PIK3AP1: variants seen among roughly 807,000 people sequenced by gnomAD.
PIK3AP1 encodes the protein phosphoinositide 3-kinase adapter protein 1.
In PIK3AP1, 21 loss-of-function variants were observed where a neutral mutation model predicts 88.1. The ratio of observed to expected loss-of-function variants is 0.24; its 90% CI spans 0.17 to 0.34. The LOEUF (loss-of-function observed/expected upper bound fraction) is 0.34, where lower values mean the gene tolerates loss of function less well. Ranked by LOEUF, PIK3AP1 falls within the 10% of genes least tolerant of loss-of-function variation. The pLI is 1.00. For synonymous variants in PIK3AP1, 398 were observed against 400.0 expected (o/e 1.00, Z 0.06); for missense variants, 828 against 1,035.7 (o/e 0.80, Z 2.75).
intron 3 of PIK3AP1, among the ~76,000 whole-genome samples, chr10:96,655,831 G>A (rs1843607081): frequency 6.6e-6 from 1 of 152,194 alleles, no homozygotes; most frequent in South Asian, 2.1e-4. Flanking sequence ...CCTTAGCCAT[G>A]TAGAACAGTA....
At chr10:96,687,255 CAAAAAAAAAAAAAAA>C (rs59631566) in intron 2 of PIK3AP1, among the ~76,000 whole-genome samples, 3 of 55,306 alleles carry the variant, frequency 5.4e-5, no homozygotes, top group East Asian at 1.1e-3. Context: ...TACTCCATCT[CAAAAAAAAAAAAAAA>C]AAAAAAAAAA....
intron 3 of PIK3AP1, among the ~76,000 whole-genome samples, chr10:96,654,318 G>C (rs1468507976): frequency 2.0e-5 from 3 of 152,154 alleles, no homozygotes; most frequent in African/African-American, 7.2e-5. Context: ...AAAAAACATG[G>C]GGAAAGGAGA....
chr10:96,695,678 A>G (rs1424717894), intron 2 of PIK3AP1, among the ~76,000 whole-genome samples: 1 of 152,166 alleles, frequency 6.6e-6, no homozygotes. Flanking sequence ...GGAATTCCCA[A>G]AATGACTAAC....
intron 2 of PIK3AP1, among the ~76,000 whole-genome samples, chr10:96,693,290 C>G (rs372529408): frequency 6.6e-6 from 1 of 152,290 alleles, no homozygotes. Context: ...AACTTCCCAC[C>G]CCACCCTGCT....
chr10:96,709,219 G>C (rs543728310), intron 2 of PIK3AP1, among the ~76,000 whole-genome samples: 1 of 151,908 alleles, frequency 6.6e-6, no homozygotes, highest in East Asian at 1.9e-4. Context: ...CAGGAGAGTG[G>C]GCAGTCTTGT....
intron 2 of PIK3AP1, among the ~76,000 whole-genome samples, chr10:96,672,836 G>A (rs1432624898): frequency 6.6e-6 from 1 of 152,172 alleles, no homozygotes; most frequent in Non-Finnish European, 1.5e-5. Context: ...CCTCAACCAA[G>A]AAGCCAAGGG....
intron 11 of PIK3AP1, among the ~76,000 whole-genome samples, chr10:96,622,238 T>C (rs1248655451): frequency 6.6e-6 from 1 of 152,256 alleles, no homozygotes; most frequent in African/African-American, 2.4e-5. Context: ...ACCTCTCTTC[T>C]ACATTACAAA....
intron 2 of PIK3AP1, among the ~76,000 whole-genome samples, chr10:96,695,147 C>T (rs895032305): frequency 1.4e-4 from 22 of 152,142 alleles, no homozygotes; most frequent in Admixed American, 7.9e-4. Context: ...TTTCTGGCAA[C>T]AAACTCAGGC....
chr10:96,709,289 G>C (rs1844407322), intron 2 of PIK3AP1, among the ~76,000 whole-genome samples: 1 of 152,032 alleles, frequency 6.6e-6, no homozygotes, highest in Non-Finnish European at 1.5e-5. Context: ...TTCTAGGCTG[G>C]AACTCTGTCC....
chr10:96,628,918 A>ATT (rs1843198924), intron 8 of PIK3AP1, among the ~76,000 whole-genome samples: 1 of 122,560 alleles, frequency 8.2e-6, no homozygotes, highest in African/African-American at 3.1e-5. Context: ...GTGTATATAT[A>ATT]TATATATATA....
chr10:96,621,195 G>A (rs549786411), intron 11 of PIK3AP1: 1 of 155,430 alleles, frequency 6.4e-6, no homozygotes. Flanking sequence ...GCAAAGGCTG[G>A]TGTGGGGCTT....
intron 2 of PIK3AP1, among the ~76,000 whole-genome samples, chr10:96,706,621 C>T (rs1844368529): frequency 6.6e-6 from 1 of 152,196 alleles, no homozygotes; most frequent in Admixed American, 6.5e-5. Context: ...CTGCCACTTA[C>T]AGAAAAGGAA....
chr10:96,642,466 G>GAAAAAGAA (rs55650790), intron 8 of PIK3AP1, among the ~76,000 whole-genome samples: 26 of 140,348 alleles, frequency 1.9e-4, no homozygotes, highest in East Asian at 4.1e-4. Flanking sequence ...AAGAAAAAAA[G>GAAAAAGAA]AGAAAGAAAG....
At chr10:96,642,187 G>A (rs1843397619) in intron 8 of PIK3AP1, among the ~76,000 whole-genome samples, 1 of 152,148 alleles carries the variant, frequency 6.6e-6, no homozygotes, top group Admixed American at 6.5e-5. Context: ...CACTTTGGGA[G>A]GCCAAAGCAG....
chr10:96,652,995 C>A (rs1242166997), intron 3 of PIK3AP1, among the ~76,000 whole-genome samples, 153 bp from the exon 4 acceptor site: 2 of 152,058 alleles, frequency 1.3e-5, no homozygotes, highest in Non-Finnish European at 2.9e-5. Flanking sequence ...GGGCAGTGAA[C>A]TGTTTGCTAC....
chr10:96,615,033 GAGA>G (rs1849191087), intron 13 of PIK3AP1, among the ~76,000 whole-genome samples: 1 of 152,122 alleles, frequency 6.6e-6, no homozygotes, highest in Non-Finnish European at 1.5e-5. Flanking sequence ...GAGAATGGCA[GAGA>G]AGGCCTCTGA....
intron 8 of PIK3AP1, among the ~76,000 whole-genome samples, chr10:96,637,546 C>T (rs1348951586): frequency 6.6e-6 from 1 of 151,966 alleles, no homozygotes; most frequent in Non-Finnish European, 1.5e-5. Flanking sequence ...AGTGGGTTTT[C>T]GCCATGTTGC....
chr10:96,689,484 G>A (rs1404579059), intron 2 of PIK3AP1, among the ~76,000 whole-genome samples: 2 of 150,856 alleles, frequency 1.3e-5, no homozygotes, highest in African/African-American at 4.9e-5. Context: ...GCAGGAGAAT[G>A]GCGTGAACCC....
At chr10:96,595,680 A>C in intron 16 of PIK3AP1, 46 bp from the exon 17 acceptor site, 1 of 1,590,304 alleles carries the variant, frequency 6.3e-7, no homozygotes. Context: ...TAATTTGATT[A>C]AACAGTTCTT....
Sources: allele counts gnomAD v4.1 joint callset (sites outside exome capture counted in the v4.1 genomes callset), GRCh38; gene constraint gnomAD v4.1.1; transcripts MANE v1.5; gene names NCBI Gene and HGNC (gene_info 2026-07-23, HGNC 2026-07-21).